Variants in KDM4B observed in about 807,000 individuals in gnomAD.
KDM4B encodes the protein lysine demethylase 4B.
A neutral mutation model predicts 125.2 loss-of-function variants in KDM4B; 32 were observed. That is an observed-to-expected ratio of 0.26 (90% CI 0.19 to 0.34). The LOEUF (loss-of-function observed/expected upper bound fraction) is 0.34, where lower values mean the gene tolerates loss of function less well. KDM4B is among the 10% of genes least tolerant of loss of function. KDM4B has a pLI of 1.00. For missense variants in KDM4B, 1,190 were observed against 1,577.7 expected, an observed-to-expected ratio of 0.75 and a Z score of 4.16; for synonymous variants, 721 against 677.9, an observed-to-expected ratio of 1.06 and a Z score of -0.99.
intron 11 of KDM4B, among the ~76,000 whole-genome samples, chr19:5,128,918 G>A (rs1378110122): frequency 2.0e-5 from 3 of 151,668 alleles, no homozygotes; most frequent in Admixed American, 6.6e-5. Context: ...GGAAGACTGC[G>A]CTCCCTGCAA....
At chr19:5,079,916 C>T (rs984385429) in intron 8 of KDM4B, among the ~76,000 whole-genome samples, 10 of 152,200 alleles carry the variant, frequency 6.6e-5, no homozygotes, top group East Asian at 5.8e-4. Flanking sequence ...TTTATTTGCC[C>T]CTCATTTCAC....
At position 4,996,861 on chromosome 19, in the gene KDM4B, G is replaced by T. The variant is rs1245062667; in HGVS notation, c.-108-19396G>T. Among the ~76,000 whole-genome samples the T allele has an allele frequency of 2.0e-5, 3 of 152,314 alleles. No homozygotes were observed. In the East Asian group the frequency reaches 5.8e-4, roughly 29 times the overall value. ...CGGCACTCTTGCTATCTTGAGCTGG[G>T]TCCTTCTCTGGGGTGGGGCTGTCCT... On this transcript the variant is annotated intron_variant, in intron 1 of 22. Coordinates refer to ENST00000159111, the MANE Select transcript of KDM4B (RefSeq NM_015015.3).
At chr19:5,011,927 G>C (rs1002475668) in intron 1 of KDM4B, among the ~76,000 whole-genome samples, 3 of 152,202 alleles carry the variant, frequency 2.0e-5, no homozygotes, top group East Asian at 3.8e-4. Context: ...CCCCACCCGC[G>C]GGTCTTGGCG....
chr19:5,089,787 G>A (rs751101971), intron 9 of KDM4B, among the ~76,000 whole-genome samples: 1 of 151,832 alleles, frequency 6.6e-6, no homozygotes, highest in African/African-American at 2.4e-5. Context: ...CCATTCCTAG[G>A]TGCTTCTTGA....
rs142370293 is a variant in KDM4B, at chr19:5,038,486, G to A, written c.142-1350G>A. On this transcript the variant is annotated intron_variant, in intron 3 of 22. Coordinates refer to ENST00000159111, the MANE Select transcript of KDM4B (RefSeq NM_015015.3). ...CTTTCCTTGGGACCAGCCTTGTCTC[G>A]GTTTAACTCTAAATTAGTGAAGGCA... Among the ~76,000 whole-genome samples, 751 of 152,314 alleles carry A rather than the reference G, an allele frequency of 4.9e-3. 8 individuals carry two copies. Among genetic ancestry groups the A allele is most frequent in the African/African-American group, 0.017 (723 of 41,572 alleles).
chr19:4,990,800 T>C (rs193291717), intron 1 of KDM4B, among the ~76,000 whole-genome samples: 55 of 152,310 alleles, frequency 3.6e-4, no homozygotes, highest in African/African-American at 1.3e-3. Context: ...ATTCTTGTGT[T>C]GGTTCCCTTT....
At chr19:5,047,834 C>T (rs907369490) in intron 6 of KDM4B, among the ~76,000 whole-genome samples, 165 bp downstream of exon 6, 1 of 152,182 alleles carries the variant, frequency 6.6e-6, no homozygotes, top group African/African-American at 2.4e-5. Flanking sequence ...GGGTCACCCA[C>T]CAGCTTTGGG....
Position 5,110,833 on chromosome 19 carries a change from G to T in KDM4B, c.1115+15G>T. 1.3e-6 allele frequency: 2 copies of T among 1,545,108 alleles called. No individual in the cohort carries two copies. Among genetic ancestry groups the T allele is most frequent in the South Asian group, 1.2e-5 (1 of 85,544 alleles). ...CTCCTCCGCAGGTGAGTTGCCAAGG[G>T]ACTGCCGCGTGACTGCCCAGCATCA... On this transcript the variant is annotated intron_variant, in intron 10 of 22. Transcript: ENST00000159111.
At chr19:5,151,219 C>A in intron 22 of KDM4B, 116 bp from the exon 23 acceptor site, 1 of 902,194 alleles carries the variant, frequency 1.1e-6, no homozygotes, top group Non-Finnish European at 1.5e-6. Context: ...CTGAGCAGCC[C>A]CCACAGCAAT....
intron 1 of KDM4B, among the ~76,000 whole-genome samples, chr19:4,992,069 A>T (rs893207450): frequency 6.6e-6 from 1 of 152,096 alleles, no homozygotes; most frequent in Non-Finnish European, 1.5e-5. Context: ...ACAAGATCCA[A>T]GGTTGCCAGG....
chr19:5,084,461 AT>A (rs1420122622), intron 9 of KDM4B, among the ~76,000 whole-genome samples: 1 of 140,120 alleles, frequency 7.1e-6, no homozygotes, highest in Non-Finnish European at 1.5e-5. Flanking sequence ...AATAATTTAT[AT>A]ATTATATATA....
At position 5,003,902 on chromosome 19, in the gene KDM4B, C is replaced by T. The variant is rs1242482962; in HGVS notation, c.-108-12355C>T. Reference sequence around the variant, plus strand: ...ATGCCTGAGTCTGTGTTTGGTCTTCCTCGTCTCTCCACAGCAGGTCTGCCC... The same window carrying T: ...ATGCCTGAGTCTGTGTTTGGTCTTCTTCGTCTCTCCACAGCAGGTCTGCCC... On this transcript the variant is annotated intron_variant, in intron 1 of 22. Transcript: ENST00000159111. 2.0e-5 allele frequency among the ~76,000 whole-genome samples: 3 copies of T among 152,278 alleles called. No homozygotes were observed. In the East Asian group the frequency reaches 5.8e-4, roughly 29 times the overall value.
chr19:5,020,649 C>T (rs893007928), intron 2 of KDM4B, among the ~76,000 whole-genome samples: 20 of 152,192 alleles, frequency 1.3e-4, no homozygotes, highest in African/African-American at 3.6e-4. Context: ...AGCTGCAAGT[C>T]GGCCTCTCCT....
chr19:5,139,410 T>G (rs933604340), intron 18 of KDM4B, among the ~76,000 whole-genome samples: 8 of 152,160 alleles, frequency 5.3e-5, no homozygotes, highest in African/African-American at 1.4e-4. Context: ...GTGGTTGTGG[T>G]TTGGAGATTC....
chr19:5,126,069 G>T (rs980705222), intron 11 of KDM4B, among the ~76,000 whole-genome samples: 6 of 152,330 alleles, frequency 3.9e-5, no homozygotes, highest in Admixed American at 2.6e-4. Context: ...TGACGCTGAG[G>T]CACCTTTCAG....
chr19:5,139,998 C>G lies in KDM4B; in HGVS notation c.2550+1928C>G, dbSNP rs1287706304. 2.0e-5 allele frequency among the ~76,000 whole-genome samples: 3 copies of G among 152,360 alleles called. No homozygotes were observed. The East Asian group carries it at 5.8e-4, about 29-fold the overall frequency. On this transcript the variant is annotated intron_variant, in intron 18 of 22. Coordinates refer to ENST00000159111, the MANE Select transcript of KDM4B (RefSeq NM_015015.3). ...CCACCAGCTGGCTGTGCACTTGGGA[C>G]AGATTCCTCGACCTCTCTGTGCCTC... is the stretch of plus-strand genomic sequence containing the variant.
At chr19:5,136,392 GCT>G (rs2039649354) in intron 15 of KDM4B, among the ~76,000 whole-genome samples, 1 of 152,202 alleles carries the variant, frequency 6.6e-6, no homozygotes, top group African/African-American at 2.4e-5. Flanking sequence ...AAGGAGGAGG[GCT>G]CTCTGGAGAC....
chr19:5,151,401 C>A lies in KDM4B; in HGVS notation c.3181C>A (p.Pro1061Thr). 1 of 1,584,238 alleles carries A rather than the reference C, an allele frequency of 6.3e-7. No individual in the cohort carries two copies. The highest frequency in any genetic ancestry group is 1.2e-5 in the South Asian group (1 of 86,872). Residue 1061 changes from proline (P) to threonine (T), a missense_variant, in exon 23 of 23, where the codon CCG (proline) becomes ACG (threonine). Pro to Thr is a conservative substitution (Grantham distance 38). Transcript: ENST00000159111. Reference protein sequence around the residue: ...SGEEAKAAKRPRVGTPLATED... With the variant: ...SGEEAKAAKRTRVGTPLATED... Reference sequence around the variant, plus strand: ...GGAGGAGGCCAAGGCCGCCAAGCGCCCGCGTGTGGGCACCCCGCTTGCCAC... The same window carrying A: ...GGAGGAGGCCAAGGCCGCCAAGCGCACGCGTGTGGGCACCCCGCTTGCCAC...
chr19:5,014,884 A>G (rs987569134), intron 1 of KDM4B, among the ~76,000 whole-genome samples: 2 of 151,654 alleles, frequency 1.3e-5, no homozygotes, highest in African/African-American at 2.4e-5. Flanking sequence ...AGTCCCAGCT[A>G]TTCGGGAGGC....
Sources: gnomAD v4.1 joint callset for allele counts (sites outside exome capture counted in the v4.1 genomes callset) on GRCh38, gnomAD v4.1.1 for gene constraint, MANE v1.5 for transcripts, NCBI Gene and HGNC (gene_info 2026-07-23, HGNC 2026-07-21) for gene names.